Variants in LGALS12 observed in about 807,000 individuals in gnomAD.
The protein encoded by LGALS12 is galectin-12.
A neutral mutation model predicts 36.8 loss-of-function variants in LGALS12; 36 were observed. The observed-to-expected ratio is 0.98, with a 90% CI of 0.75 to 1.29. The LOEUF is 1.29. LGALS12 is among the 50% of genes most tolerant of loss of function. The pLI is 0.00. For missense variants in LGALS12, 366 were observed against 394.3 expected, an observed-to-expected ratio of 0.93 and a Z score of 0.61; for synonymous variants, 145 against 155.9, an observed-to-expected ratio of 0.93 and a Z score of 0.52.
chr11:63,508,590 A>C lies in LGALS12; in HGVS notation c.107A>C (p.His36Pro). 6.2e-7 allele frequency: 1 copy of C among 1,614,136 alleles called. No individual in the cohort carries two copies. Among genetic ancestry groups the C allele is most frequent in the Admixed American group, 1.7e-5 (1 of 60,030 alleles). ...PYVTTIFGGL[H>P]AGKMVMLQGV... Reference sequence around the variant, plus strand: ...GTCACGACGATTTTTGGAGGCCTGCATGCAGGCAAGATGGTCATGCTGCAA... The same window carrying C: ...GTCACGACGATTTTTGGAGGCCTGCCTGCAGGCAAGATGGTCATGCTGCAA... Residue 36 changes from histidine (H) to proline (P), a missense_variant, in exon 2 of 9, where the codon CAT (histidine) becomes CCT (proline). Transcript: ENST00000394618.
At chr11:63,516,040 A>G (rs60912926) in intron 8 of LGALS12, among the ~76,000 whole-genome samples, 50,913 of 152,124 alleles carry the variant, frequency 0.33, 12,138 homozygotes, top group African/African-American at 0.68. Context: ...CTGAGGCCCA[A>G]GGCTGGGAAG....
At chr11:63,510,384 C>T (rs781293221) in intron 4 of LGALS12, 79 bp from the exon 5 acceptor site, 5 of 1,427,390 alleles carry the variant, frequency 3.5e-6, no homozygotes, top group South Asian at 1.1e-5. Flanking sequence ...AAGGCCAGGG[C>T]TCTGCCCACC....
intron 4 of LGALS12, 147 bp downstream of exon 4, chr11:63,510,044 T>A: frequency 9.7e-7 from 1 of 1,030,852 alleles, no homozygotes; most frequent in Non-Finnish European, 1.4e-6. Flanking sequence ...GGGAGTCCAC[T>A]GAGGTTTCGG....
In LGALS12 at chr11:63,516,483, G is replaced by T; in HGVS notation, c.*90G>T. 2.1e-6 allele frequency: 3 copies of T among 1,459,092 alleles called. No homozygotes were observed. The highest frequency in any genetic ancestry group is 1.7e-4 in the Middle Eastern group (1 of 5,768). 90.4% of individuals were successfully genotyped at this position (1,459,092 alleles called of 1,614,324 possible). A position where few individuals can be genotyped will look rare whatever the true frequency, so the allele number is the denominator to read the frequency against. On this transcript the variant is annotated 3_prime_UTR_variant, in exon 9 of 9. Coordinates refer to ENST00000394618, the MANE Select transcript of LGALS12 (RefSeq NM_033101.4). Reference sequence around the variant, plus strand: ...CCTCCCCTCATTAAACCATCCACCTGACACCAGCACATCAGGCCTGGTTCA... The same window carrying T: ...CCTCCCCTCATTAAACCATCCACCTTACACCAGCACATCAGGCCTGGTTCA...
intron 5 of LGALS12, 21 bp downstream of exon 5, chr11:63,510,522 G>A (rs1166887182): frequency 1.2e-6 from 2 of 1,613,102 alleles, no homozygotes; most frequent in Non-Finnish European, 1.7e-6. Context: ...TGGCAGCAAG[G>A]TCTGAGCAGC....
At chr11:63,508,391 A>G in intron 1 of LGALS12, 162 bp from the exon 2 acceptor site, 1 of 1,449,170 alleles carries the variant, frequency 6.9e-7, no homozygotes. Flanking sequence ...GATTAGGTGG[A>G]AGAAAATATT....
At chr11:63,508,019 A>C (rs1217044953) in intron 1 of LGALS12, 27 of 992,836 alleles carry the variant, frequency 2.7e-5, no homozygotes, top group Non-Finnish European at 3.1e-5. Flanking sequence ...GATTACAGGC[A>C]TGAGCCACAG....
In LGALS12 at chr11:63,511,800, G is replaced by A. The variant is rs1406382454; in HGVS notation, c.607G>A (p.Val203Ile). 3.0e-5 allele frequency: 49 copies of A among 1,613,794 alleles called. No homozygotes were observed. Among genetic ancestry groups the A allele is most frequent in the Non-Finnish European group, 4.0e-5 (47 of 1,179,942 alleles). Reference protein sequence around the residue: ...ALPQGLSPGQVIIVRGLVLQE... With the variant: ...ALPQGLSPGQIIIVRGLVLQE... ...TCCCCAGGGTCTCTCGCCTGGGCAG[G>A]TCATCATAGTACGGGGACTGGTCTT... is the stretch of plus-strand genomic sequence containing the variant. Residue 203 changes from valine to isoleucine, a missense_variant, in exon 7 of 9, where the codon GTC becomes ATC. Coordinates refer to ENST00000394618, the MANE Select transcript of LGALS12 (RefSeq NM_033101.4).
intron 4 of LGALS12, among the ~76,000 whole-genome samples, 155 bp downstream of exon 4, chr11:63,510,052 C>T (rs1467806912): frequency 1.3e-5 from 2 of 152,010 alleles, no homozygotes; most frequent in East Asian, 1.9e-4. Flanking sequence ...ACTGAGGTTT[C>T]GGGTGTGAGT....
intron 1 of LGALS12, among the ~76,000 whole-genome samples, chr11:63,506,917 G>C (rs1565223955): frequency 6.6e-6 from 1 of 152,190 alleles, no homozygotes; most frequent in Non-Finnish European, 1.5e-5. Context: ...CTCAGGGATA[G>C]GGGTTGGGGG....
At chr11:63,513,622 G>T (rs2016991058) in intron 7 of LGALS12, among the ~76,000 whole-genome samples, 1 of 152,214 alleles carries the variant, frequency 6.6e-6, no homozygotes, top group African/African-American at 2.4e-5. Flanking sequence ...ACAGCACCTG[G>T]TATTTAGCGA....
At chr11:63,516,100 C>A in intron 8 of LGALS12, 147 bp from the exon 9 acceptor site, 1 of 994,904 alleles carries the variant, frequency 1.0e-6, no homozygotes, top group Non-Finnish European at 1.4e-6. Flanking sequence ...GCCCCTTATC[C>A]TGTTCTTTTC....
intron 7 of LGALS12, among the ~76,000 whole-genome samples, chr11:63,513,384 CATAA>C (rs1258795305): frequency 6.6e-6 from 1 of 152,118 alleles, no homozygotes; most frequent in African/African-American, 2.4e-5. Flanking sequence ...AGACAGGTCT[CATAA>C]ATAGTGAGGA....
At chr11:63,514,639 C>A (rs1417375297) in intron 7 of LGALS12, among the ~76,000 whole-genome samples, 1 of 151,792 alleles carries the variant, frequency 6.6e-6, no homozygotes, top group East Asian at 1.9e-4. Flanking sequence ...GGTGCCAGAT[C>A]CCCCCACCCC....
intron 3 of LGALS12, 84 bp downstream of exon 3, chr11:63,509,075 A>G (rs2120360346): frequency 2.8e-6 from 3 of 1,077,298 alleles, no homozygotes; most frequent in Non-Finnish European, 4.2e-6. Flanking sequence ...CCACGACACA[A>G]TGTTGAGTGG....
intron 7 of LGALS12, among the ~76,000 whole-genome samples, chr11:63,513,701 AAG>A (rs2016992804): frequency 3.3e-5 from 5 of 152,318 alleles, no homozygotes; most frequent in Admixed American, 3.3e-4. Flanking sequence ...CAGAGAGAGT[AAG>A]AGATGGAGGG....
rs781352642 is a variant in LGALS12, at chr11:63,511,132, C to G, written c.558+27C>G. 3.7e-6 allele frequency: 6 copies of G among 1,610,550 alleles called. No individual in the cohort carries two copies. In the South Asian group the frequency reaches 5.5e-5, roughly 15 times the overall value. On this transcript the variant is annotated intron_variant, in intron 6 of 8. Coordinates refer to ENST00000394618, the MANE Select transcript of LGALS12 (RefSeq NM_033101.4). ...TGAGTGAACCTCCCTCCTGCTCTGT[C>G]AGGGCTGGGGGCGCAGCCTGGGTGA...
At chr11:63,510,769 G>A (rs2016894879) in intron 5 of LGALS12, among the ~76,000 whole-genome samples, 1 of 152,210 alleles carries the variant, frequency 6.6e-6, no homozygotes, top group Admixed American at 6.5e-5. Flanking sequence ...TAGTTGAAAT[G>A]CTCATTTCTC....
intron 7 of LGALS12, among the ~76,000 whole-genome samples, chr11:63,512,337 T>C (rs932907959): frequency 6.6e-5 from 10 of 152,214 alleles, no homozygotes; most frequent in Non-Finnish European, 1.0e-4. Context: ...CCAATCCAGT[T>C]AGACAGGAGC....
Sources: allele counts gnomAD v4.1 joint callset (sites outside exome capture counted in the v4.1 genomes callset), GRCh38; gene constraint gnomAD v4.1.1; transcripts MANE v1.5; gene names NCBI Gene and HGNC (gene_info 2026-07-23, HGNC 2026-07-21).